RALYL: variants seen among roughly 807,000 people sequenced by gnomAD.
RALYL encodes the protein RALY RNA binding protein like.
Under a neutral mutation model 35.1 loss-of-function variants are expected in RALYL, and 29 were observed. The ratio of observed to expected loss-of-function variants is 0.83; its 90% CI spans 0.61 to 1.13. The LOEUF is 1.13. RALYL is among the 50% of genes most tolerant of loss of function. The probability of loss-of-function intolerance (pLI) is 0.00; values close to 1 mark genes in which losing one functional copy is unlikely to be tolerated. For missense variants in RALYL, 359 were observed against 360.4 expected (o/e 1.00, Z 0.03); for synonymous variants, 120 against 127.6 (o/e 0.94, Z 0.40).
At chr8:84,363,260 G>A (rs1182373934) in intron 1 of RALYL, among the ~76,000 whole-genome samples, 1 of 152,174 alleles carries the variant, frequency 6.6e-6, no homozygotes, top group Non-Finnish European at 1.5e-5. Flanking sequence ...TCGCAGTGAT[G>A]TTGGCCACCT....
intron 2 of RALYL, among the ~76,000 whole-genome samples, chr8:84,603,832 G>A (rs1258015351): frequency 2.0e-5 from 3 of 152,092 alleles, no homozygotes; most frequent in Non-Finnish European, 2.9e-5. Flanking sequence ...CTTCATGAAG[G>A]TGTCTGCTAA....
At chr8:84,718,354 G>A (rs999530173) in intron 2 of RALYL, among the ~76,000 whole-genome samples, 11 of 152,048 alleles carry the variant, frequency 7.2e-5, no homozygotes, top group African/African-American at 2.4e-4. Flanking sequence ...GGTATTCTGG[G>A]TCAGTTTCAT....
chr8:84,657,783 G>C (rs1437144819), intron 2 of RALYL, among the ~76,000 whole-genome samples: 1 of 152,146 alleles, frequency 6.6e-6, no homozygotes, highest in Non-Finnish European at 1.5e-5. Context: ...GTTGCAACAG[G>C]GCTACAGAGC....
At chr8:84,821,872 T>C (rs1288682703) in intron 4 of RALYL, among the ~76,000 whole-genome samples, 3 of 152,160 alleles carry the variant, frequency 2.0e-5, no homozygotes. Flanking sequence ...AAGGTAGATA[T>C]TAAAATGAAA....
chr8:84,655,226 A>G (rs1339449308), intron 2 of RALYL, among the ~76,000 whole-genome samples: 1 of 151,492 alleles, frequency 6.6e-6, no homozygotes, highest in Non-Finnish European at 1.5e-5. Context: ...GCTGTTTCCC[A>G]TTTGTATGTC....
At chr8:84,453,325 A>G (rs1302482317) in intron 1 of RALYL, among the ~76,000 whole-genome samples, 2 of 151,992 alleles carry the variant, frequency 1.3e-5, no homozygotes, top group African/African-American at 4.8e-5. Flanking sequence ...AGCCTTCAAT[A>G]TGTCTACTTC....
intron 2 of RALYL, among the ~76,000 whole-genome samples, chr8:84,541,612 C>A (rs1180541639): frequency 6.6e-6 from 1 of 151,946 alleles, no homozygotes; most frequent in East Asian, 1.9e-4. Flanking sequence ...TTACTCTGAC[C>A]TTCCGCATCG....
intron 1 of RALYL, among the ~76,000 whole-genome samples, chr8:84,320,021 T>C (rs184531851): frequency 1.4e-3 from 206 of 152,228 alleles, no homozygotes; most frequent in African/African-American, 4.5e-3. Flanking sequence ...AAATAAAATA[T>C]TTATTGTAAA....
In RALYL at chr8:84,474,598, G is replaced by C. The variant is rs962170454; in HGVS notation, c.-23-54701G>C. Among the ~76,000 whole-genome samples, 9 of 152,146 alleles carry C rather than the reference G, an allele frequency of 5.9e-5. No homozygotes were observed. In the East Asian group the frequency reaches 1.7e-3, roughly 29 times the overall value. On this transcript the variant is annotated intron_variant, in intron 1 of 8. Coordinates refer to ENST00000521268, the MANE Select transcript of RALYL (RefSeq NM_173848.7). ...TTCAAGCTCTGATTATTACCTAAGA[G>C]ATTTCTTTGCAATTGTAGTGTGTAA...
chr8:84,550,774 TA>T (rs2060665175), intron 2 of RALYL, among the ~76,000 whole-genome samples: 1 of 151,876 alleles, frequency 6.6e-6, no homozygotes, highest in Admixed American at 6.6e-5. Flanking sequence ...GAAAGTAAAT[TA>T]AGGCTCATTA....
At chr8:84,434,618 A>T (rs1473587224) in intron 1 of RALYL, among the ~76,000 whole-genome samples, 1 of 152,178 alleles carries the variant, frequency 6.6e-6, no homozygotes, top group Admixed American at 6.6e-5. Context: ...AAGCAAACTT[A>T]AAGAATATTA....
intron 2 of RALYL, among the ~76,000 whole-genome samples, chr8:84,758,062 A>C (rs1409295905): frequency 6.6e-6 from 1 of 152,154 alleles, no homozygotes; most frequent in Non-Finnish European, 1.5e-5. Flanking sequence ...AAATTGATGA[A>C]TGTATTCTTA....
chr8:84,606,187 C>T (rs994783091), intron 2 of RALYL, among the ~76,000 whole-genome samples: 4 of 152,108 alleles, frequency 2.6e-5, no homozygotes. Context: ...CATCAAGTAT[C>T]TCCCCTCAGT....
At position 84,337,967 on chromosome 8, in the gene RALYL, A is replaced by C. The variant is rs562629823; in HGVS notation, c.-24+153543A>C. 2.0e-5 allele frequency among the ~76,000 whole-genome samples: 3 copies of C among 152,206 alleles called. No homozygotes were observed. The South Asian group carries it at 6.2e-4, about 32-fold the overall frequency. ...CTGGGTACCATAATATACACTATCC[A>C]TTCATAATTCTTACAGCTCAAATTA... On this transcript the variant is annotated intron_variant, in intron 1 of 8. Transcript: ENST00000521268.
intron 2 of RALYL, among the ~76,000 whole-genome samples, chr8:84,666,332 A>G (rs907366050): frequency 7.9e-5 from 12 of 152,096 alleles, no homozygotes; most frequent in Admixed American, 2.6e-4. Context: ...AACAAAATAT[A>G]CATACGAAAA....
At chr8:84,442,529 C>G (rs2048440266) in intron 1 of RALYL, among the ~76,000 whole-genome samples, 1 of 152,066 alleles carries the variant, frequency 6.6e-6, no homozygotes. Flanking sequence ...TAGTTCCTAA[C>G]TTCAAGGTGC....
intron 1 of RALYL, among the ~76,000 whole-genome samples, chr8:84,372,975 T>G (rs1856202400): frequency 6.7e-6 from 1 of 150,106 alleles, no homozygotes; most frequent in Non-Finnish European, 1.5e-5. Context: ...GGTTTTGATT[T>G]GTATTTCCGT....
intron 1 of RALYL, among the ~76,000 whole-genome samples, chr8:84,343,680 A>G (rs907542846): frequency 5.3e-5 from 8 of 151,682 alleles, no homozygotes; most frequent in African/African-American, 1.9e-4. Flanking sequence ...CCCAGACTGG[A>G]GTACAGTGGT....
intron 1 of RALYL, among the ~76,000 whole-genome samples, chr8:84,472,206 A>G (rs1369811089): frequency 5.3e-5 from 8 of 152,108 alleles, no homozygotes; most frequent in Non-Finnish European, 7.4e-5. Context: ...TCATTTATTC[A>G]TTATTCAGAA....
Sources: allele counts gnomAD v4.1 joint callset (sites outside exome capture counted in the v4.1 genomes callset), GRCh38; gene constraint gnomAD v4.1.1; transcripts MANE v1.5; gene names NCBI Gene and HGNC (gene_info 2026-07-23, HGNC 2026-07-21).